MYH15: variants seen among roughly 807,000 people sequenced by gnomAD.
MYH15 encodes myosin-15.
In MYH15, 227 loss-of-function variants were observed where a neutral mutation model predicts 240.5. That is an observed-to-expected ratio of 0.94 (90% CI 0.85 to 1.05). The LOEUF is 1.05. Ranked by LOEUF, MYH15 falls within the 50% of genes least tolerant of loss-of-function variation. The probability of loss-of-function intolerance (pLI) is 0.00; values close to 1 mark genes in which losing one functional copy is unlikely to be tolerated. For synonymous variants in MYH15, 785 were observed against 796.7 expected, an observed-to-expected ratio of 0.99 and a Z score of 0.25; for missense variants, 2,217 against 2,247.5, an observed-to-expected ratio of 0.99 and a Z score of 0.27.
intron 34 of MYH15, 98 bp from the exon 35 acceptor site, chr3:108,398,938 AGCAT>A: frequency 1.4e-6 from 2 of 1,448,164 alleles, no homozygotes; most frequent in Non-Finnish European, 1.9e-6. Context: ...TTTAGACATA[AGCAT>A]GCTCCTTCTC....
At position 108,510,443 on chromosome 3, in the gene MYH15, C is replaced by A; in HGVS notation, c.88G>T (p.Gly30Trp). The A allele has an allele frequency of 1.9e-6, 3 of 1,596,458 alleles. No individual in the cohort carries two copies. Among genetic ancestry groups the A allele is most frequent in the Non-Finnish European group, 2.6e-6 (3 of 1,174,860 alleles). ...AGCCAGCAACCACCACATGTCTCACCATCCAAGGCTGTGGCCTGTAGTAGA... is the reference window on the plus strand; with the variant it reads ...AGCCAGCAACCACCACATGTCTCACAATCCAAGGCTGTGGCCTGTAGTAGA... ...LLLLQATALD[G>W]KKKCWIPDGE... Residue 30 changes from glycine (G) to tryptophan (W), a missense_variant and splice_region_variant, in exon 1 of 41, where the codon GGG (glycine) becomes TGG (tryptophan). Transcript: ENST00000693548.
At chr3:108,468,819 T>G (rs2083144751) in intron 14 of MYH15, among the ~76,000 whole-genome samples, 1 of 152,192 alleles carries the variant, frequency 6.6e-6, no homozygotes, top group Admixed American at 6.6e-5. Flanking sequence ...AAACAGTATC[T>G]TGTCATAATC....
chr3:108,478,181 G>A (rs943330290), intron 11 of MYH15, among the ~76,000 whole-genome samples: 16 of 152,052 alleles, frequency 1.1e-4, no homozygotes, highest in South Asian at 4.1e-4. Context: ...GCTCTATCTC[G>A]TCTGTATTAG....
chr3:108,532,458 A>G (rs1320016890), upstream of MYH15, among the ~76,000 whole-genome samples: 1 of 152,168 alleles, frequency 6.6e-6, no homozygotes. Context: ...TTGAGTCTCT[A>G]TTCTTCCAGC....
chr3:108,500,055 A>G, intron 4 of MYH15, 63 bp downstream of exon 4: 2 of 1,533,164 alleles, frequency 1.3e-6, no homozygotes, highest in African/African-American at 1.4e-5. Flanking sequence ...AGTGCCTCTT[A>G]GGGACATAGA....
At chr3:108,526,539 T>C (rs1433007861) in intron 1 of MYH15, among the ~76,000 whole-genome samples, 2 of 152,148 alleles carry the variant, frequency 1.3e-5, no homozygotes, top group South Asian at 2.1e-4. Flanking sequence ...TCAGGGAGCT[T>C]GTGCTCTAGA....
rs541662550 is a variant in MYH15, at chr3:108,485,036, C to A, written c.1114+55G>T. On this transcript the variant is annotated intron_variant, in intron 11 of 40. Coordinates refer to ENST00000693548, the MANE Select transcript of MYH15 (RefSeq NM_014981.3). ...AAGTTAACTGCAAGGTAAAGGGGAG[C>A]AGGCTTGGGCCCAGAGATTTGAAGT... 1.1e-4 allele frequency: 173 copies of A among 1,570,784 alleles called. No individual in the cohort carries two copies. The African/African-American group carries it at 2.0e-3, about 18-fold the overall frequency.
the MYH15 span, among the ~76,000 whole-genome samples, chr3:108,542,554 T>C: frequency 4.6e-5 from 7 of 152,324 alleles, no homozygotes; most frequent in South Asian, 4.1e-4. Context: ...ATTTTTAGCA[T>C]TGAATATTCT....
At position 108,495,827 on chromosome 3, in the gene MYH15, C is replaced by T; in HGVS notation, c.664G>A (p.Ala222Thr). ...CTCAGGGTTTTAGCATTTCCAAATG[C>T]TTCCAAGATAGTATTCGCTTGCATG... The part of the protein sequence containing the change: ...QIMQANTILE[A>T]FGNAKTLRND... Residue 222 changes from alanine (A) to threonine (T), a missense_variant, in exon 7 of 41, where the codon GCA (alanine) becomes ACA (threonine). Coordinates refer to ENST00000693548, the MANE Select transcript of MYH15 (RefSeq NM_014981.3). 1 of 1,612,496 alleles carries T rather than the reference C, an allele frequency of 6.2e-7. No individual in the cohort carries two copies.
At chr3:108,546,873 A>G in the MYH15 span, among the ~76,000 whole-genome samples, 2 of 152,168 alleles carry the variant, frequency 1.3e-5, no homozygotes, top group Non-Finnish European at 2.9e-5. Context: ...ACAGGAAGAA[A>G]GTCAGTTCGC....
chr3:108,516,739 ATTT>A (rs2083575669), intron 1 of MYH15, among the ~76,000 whole-genome samples: 2 of 152,172 alleles, frequency 1.3e-5, no homozygotes, highest in African/African-American at 4.8e-5. Context: ...TACGCAGCTT[ATTT>A]CTCTACAAAA....
At chr3:108,536,444 C>T in the MYH15 span, among the ~76,000 whole-genome samples, 1 of 152,296 alleles carries the variant, frequency 6.6e-6, no homozygotes, top group South Asian at 2.1e-4. Context: ...TGGGACAATG[C>T]CTAGCATCAA....
Position 108,391,824 on chromosome 3 carries a change from A to G in MYH15, c.5366T>C (p.Leu1789Pro). 1 of 1,614,126 alleles carries G rather than the reference A, an allele frequency of 6.2e-7. No homozygotes were observed. Among genetic ancestry groups the G allele is most frequent in the Non-Finnish European group, 8.5e-7 (1 of 1,179,996 alleles). The change falls in exon 37 of 41, where the codon CTG becomes CCG. Residue 1789 changes from leucine (L) to proline (P), a missense_variant. Physicochemically the swap from Leu to Pro is moderately conservative, Grantham distance 98. Coordinates refer to ENST00000693548, the MANE Select transcript of MYH15 (RefSeq NM_014981.3). ...CAGGGCCATCTGTTCAGCTTCAGCCAGCCTTTTCTGTAAGTCTGTAATTGT... is the reference window on the plus strand; with the variant it reads ...CAGGGCCATCTGTTCAGCTTCAGCCGGCCTTTTCTGTAAGTCTGTAATTGT... ...EQTITDLQKR[L>P]AEAEQMALMG...
chr3:108,414,168 G>A (rs2082615679), intron 30 of MYH15, 64 bp downstream of exon 30: 2 of 1,520,504 alleles, frequency 1.3e-6, no homozygotes, highest in Non-Finnish European at 1.8e-6. Flanking sequence ...TGGAGACAGA[G>A]TCATTATTCT....
intron 28 of MYH15, among the ~76,000 whole-genome samples, chr3:108,418,792 C>T (rs1424857775): frequency 6.6e-6 from 1 of 151,720 alleles, no homozygotes; most frequent in East Asian, 1.9e-4. Flanking sequence ...GACAGAGTCT[C>T]ACTCTGTTGC....
At chr3:108,422,813 T>C (rs1237226465) in intron 27 of MYH15, among the ~76,000 whole-genome samples, 1 of 152,208 alleles carries the variant, frequency 6.6e-6, no homozygotes, top group African/African-American at 2.4e-5. Flanking sequence ...CTAATTGTTA[T>C]GATAGAGCAA....
Position 108,486,527 on chromosome 3 carries a change from C to G in MYH15, c.872-1G>C, listed in dbSNP as rs2083307568. On this transcript the variant is annotated splice_acceptor_variant, in intron 9 of 40. Transcript: ENST00000693548. LOFTEE classifies it high-confidence loss of function. ...GGATTTGCAGATACCAGGAGCAGGT[C>G]TAGAGTGGGAAAACGATTCGTTAAA... 2 of 1,599,032 alleles carry G rather than the reference C, an allele frequency of 1.3e-6. No individual in the cohort carries two copies. The highest frequency in any genetic ancestry group is 2.2e-5 in the South Asian group (2 of 89,466).
chr3:108,450,962 G>A (rs2082968324), intron 21 of MYH15, among the ~76,000 whole-genome samples: 1 of 152,084 alleles, frequency 6.6e-6, no homozygotes, highest in Non-Finnish European at 1.5e-5. Flanking sequence ...AAATAAAGAT[G>A]TGGCATGAAT....
chr3:108,467,475 A>G (rs1484889455), intron 14 of MYH15, among the ~76,000 whole-genome samples: 2 of 152,148 alleles, frequency 1.3e-5, no homozygotes, highest in Non-Finnish European at 1.5e-5. Context: ...GTCTGATGGT[A>G]TATCATTACA....
Sources: allele counts gnomAD v4.1 joint callset (sites outside exome capture counted in the v4.1 genomes callset), GRCh38; gene constraint gnomAD v4.1.1; transcripts MANE v1.5; gene names NCBI Gene and HGNC (gene_info 2026-07-23, HGNC 2026-07-21).